The following INTS8 variants were observed in gnomAD, a reference collection of about 807,000 sequenced individuals.
INTS8 encodes protein kaonashi-1.
INTS8 carries 47 observed loss-of-function variants against 138.9 expected under a neutral mutation model. The observed-to-expected ratio is 0.34, with a 90% confidence interval of 0.27 to 0.43. INTS8 has a LOEUF of 0.43. Ranked by LOEUF, INTS8 falls within the 20% of genes least tolerant of loss-of-function variation. The probability of loss-of-function intolerance (pLI) is 1.00; values close to 1 mark genes in which losing one functional copy is unlikely to be tolerated. For missense variants in INTS8, 996 were observed against 1,173.0 expected (o/e 0.85, Z 2.20); for synonymous variants, 392 against 400.9 (o/e 0.98, Z 0.27).
intron 20 of INTS8, among the ~76,000 whole-genome samples, chr8:94,871,281 A>G (rs1816386426): frequency 6.6e-6 from 1 of 150,698 alleles, no homozygotes; most frequent in Admixed American, 6.6e-5. Context: ...AGCCTGGCCA[A>G]CATGGTGAAA....
chr8:94,857,062 GTTTGTAATC>G (rs1298144127), intron 15 of INTS8, 84 bp downstream of exon 15: 37 of 685,454 alleles, frequency 5.4e-5, no homozygotes, highest in Non-Finnish European at 8.4e-5. Flanking sequence ...ATTTATTTGA[GTTTGTAATC>G]TTTTTTTTTT....
In INTS8 at chr8:94,876,503, T is replaced by C; in HGVS notation, c.2871+14T>C. On this transcript the variant is annotated intron_variant, in intron 26 of 26. Coordinates refer to ENST00000523731, the MANE Select transcript of INTS8 (RefSeq NM_017864.4). ...AGACAAATTGCAGTAAGTTACCTTA[T>C]GCCTTTCTTCAGTGGTACAGTTTCC... is the stretch of plus-strand genomic sequence containing the variant. The C allele has an allele frequency of 6.6e-7, 1 of 1,513,474 alleles. No homozygotes were observed. Among genetic ancestry groups the C allele is most frequent in the South Asian group, 1.2e-5 (1 of 84,596 alleles). 93.8% of individuals were successfully genotyped at this position (1,513,474 alleles called of 1,614,324 possible).
chr8:94,838,993 G>C (rs1417360419), intron 8 of INTS8, among the ~76,000 whole-genome samples: 1 of 152,202 alleles, frequency 6.6e-6, no homozygotes, highest in Admixed American at 6.5e-5. Context: ...TTTAGCAGCT[G>C]GGATTGTTGG....
At chr8:94,868,380 A>G (rs1400684092) in intron 20 of INTS8, among the ~76,000 whole-genome samples, 1 of 152,194 alleles carries the variant, frequency 6.6e-6, no homozygotes, top group East Asian at 1.9e-4. Context: ...AGACAAGCTG[A>G]TAATAGAATA....
intron 16 of INTS8, 89 bp downstream of exon 16, chr8:94,859,721 T>A (rs1427479660): frequency 1.9e-6 from 2 of 1,039,978 alleles, no homozygotes; most frequent in Non-Finnish European, 2.8e-6. Context: ...CTTGTCTAAT[T>A]TCTGTGATAC....
Position 94,823,299 on chromosome 8 carries a change from T to C in INTS8, c.-133T>C. ...GCTGGCCCGCGCCGCCATTTTGGAT[T>C]GTGTGAGTTTCCGGGACGTTCGGAG... On this transcript the variant is annotated 5_prime_UTR_variant, in exon 1 of 27. Transcript: ENST00000523731. 6.6e-7 allele frequency: 1 copy of C among 1,521,418 alleles called. No individual in the cohort carries two copies. 94.2% of individuals were successfully genotyped at this position (1,521,418 alleles called of 1,614,324 possible). A position where few individuals can be genotyped will look rare whatever the true frequency, so the allele number is the denominator to read the frequency against.
intron 6 of INTS8, among the ~76,000 whole-genome samples, chr8:94,832,753 C>T (rs1814771880): frequency 2.6e-5 from 4 of 152,008 alleles, no homozygotes; most frequent in Admixed American, 1.3e-4. Context: ...CTCCCGGGTT[C>T]ATGCCATTCT....
chr8:94,823,938 G>T (rs1416041304), intron 1 of INTS8, among the ~76,000 whole-genome samples: 1 of 152,202 alleles, frequency 6.6e-6, no homozygotes, highest in South Asian at 2.1e-4. Context: ...CAGGGAGCTG[G>T]GGAGAAACCA....
chr8:94,839,667 G>C (rs148074869), intron 8 of INTS8, among the ~76,000 whole-genome samples: 2 of 152,264 alleles, frequency 1.3e-5, no homozygotes, highest in African/African-American at 4.8e-5. Context: ...ATAAAGACTA[G>C]AGCTCTCTCA....
chr8:94,852,306 T>C (rs1815575131), intron 13 of INTS8, among the ~76,000 whole-genome samples: 1 of 152,220 alleles, frequency 6.6e-6, no homozygotes, highest in Non-Finnish European at 1.5e-5. Flanking sequence ...TGTAGCATAA[T>C]GCTTCATTAT....
chr8:94,836,536 T>G lies in INTS8; in HGVS notation c.766T>G (p.Leu256Val). The change falls in exon 7 of 27, where the codon TTG becomes GTG. Residue 256 changes from leucine (L) to valine (V), a missense_variant. Transcript: ENST00000523731. ...ATTATTATTTCAGGTGTGCTATGAT[T>G]TGGGCGCAGCATACTTCCAGCAAGG... ...EEMQCQVCYD[L>V]GAAYFQQGST... 6.2e-7 allele frequency: 1 copy of G among 1,613,634 alleles called. No individual in the cohort carries two copies. The highest frequency in any genetic ancestry group is 8.5e-7 in the Non-Finnish European group (1 of 1,179,758).
intron 25 of INTS8, 63 bp downstream of exon 25, chr8:94,876,348 T>C (rs1816563788): frequency 2.8e-6 from 4 of 1,446,110 alleles, no homozygotes; most frequent in Non-Finnish European, 2.9e-6. Flanking sequence ...AAGGAATATT[T>C]AATATTGTAT....
intron 20 of INTS8, among the ~76,000 whole-genome samples, chr8:94,869,198 C>G (rs1442844195): frequency 1.3e-5 from 2 of 151,830 alleles, no homozygotes; most frequent in Non-Finnish European, 2.9e-5. Context: ...TCAGGCTGGT[C>G]CCAAACTCCT....
At chr8:94,866,088 T>A in intron 17 of INTS8, 70 bp from the exon 18 acceptor site, 1 of 676,376 alleles carries the variant, frequency 1.5e-6, no homozygotes, top group South Asian at 1.8e-5. Flanking sequence ...CCTTCACCTA[T>A]AATTTACTTT....
At chr8:94,865,742 C>T (rs757161850) in intron 17 of INTS8, 52 bp downstream of exon 17, 34 of 1,431,620 alleles carry the variant, frequency 2.4e-5, no homozygotes, top group Non-Finnish European at 3.3e-5. Context: ...AATATTTATC[C>T]TATTTATACT....
chr8:94,834,517 G>T (rs1814851218), intron 6 of INTS8, among the ~76,000 whole-genome samples: 1 of 151,942 alleles, frequency 6.6e-6, no homozygotes, highest in Non-Finnish European at 1.5e-5. Flanking sequence ...AGACCAGCCT[G>T]GCTAACGTGG....
intron 16 of INTS8, among the ~76,000 whole-genome samples, chr8:94,864,078 C>T (rs942280572): frequency 1.3e-5 from 2 of 152,054 alleles, no homozygotes; most frequent in Admixed American, 6.5e-5. Context: ...TTGTGTCTAA[C>T]TTAGTTTAAT....
At chr8:94,842,068 CAAAA>C (rs1815155313) in intron 9 of INTS8, among the ~76,000 whole-genome samples, 1 of 114,788 alleles carries the variant, frequency 8.7e-6, no homozygotes, top group African/African-American at 3.3e-5. Flanking sequence ...GACTCCGTCT[CAAAA>C]GAAAAAAAAA....
At chr8:94,870,214 G>A (rs909636911) in intron 20 of INTS8, among the ~76,000 whole-genome samples, 31 of 152,018 alleles carry the variant, frequency 2.0e-4, no homozygotes, top group African/African-American at 7.5e-4. Flanking sequence ...ACCATGCCTG[G>A]CTAATTTTTT....
Sources: allele counts gnomAD v4.1 joint callset (sites outside exome capture counted in the v4.1 genomes callset), GRCh38; gene constraint gnomAD v4.1.1; transcripts MANE v1.5; gene names NCBI Gene and HGNC (gene_info 2026-07-23, HGNC 2026-07-21).